USP24: variants seen among roughly 807,000 people sequenced by gnomAD.
USP24 encodes the protein ubiquitin carboxyl-terminal hydrolase 24.
Under a neutral mutation model 361.6 loss-of-function variants are expected in USP24, and 97 were observed. The ratio of observed to expected loss-of-function variants is 0.27; its 90% CI spans 0.23 to 0.32. The LOEUF (loss-of-function observed/expected upper bound fraction) is 0.32. USP24 is among the 10% of genes least tolerant of loss of function. USP24 has a pLI of 1.00. For synonymous variants in USP24, 1,098 were observed against 1,124.6 expected, an observed-to-expected ratio of 0.98 and a Z score of 0.47; for missense variants, 2,353 against 3,165.6, an observed-to-expected ratio of 0.74 and a Z score of 6.16.
chr1:55,138,070 T>C (rs1001699662), intron 26 of USP24, among the ~76,000 whole-genome samples, 166 bp from the exon 27 acceptor site: 6 of 152,124 alleles, frequency 3.9e-5, no homozygotes, highest in African/African-American at 1.2e-4. Flanking sequence ...CCTTCTGCTA[T>C]AATTATGTTC....
chr1:55,120,142 C>T lies in USP24; in HGVS notation c.4508+454G>A, dbSNP rs112684727. 6.3e-3 allele frequency among the ~76,000 whole-genome samples: 966 copies of T among 152,262 alleles called. 4 individuals are homozygous for T. The highest frequency in any genetic ancestry group is 0.037 in the Middle Eastern group (11 of 294). On this transcript the variant is annotated intron_variant, in intron 38 of 67. Transcript: ENST00000294383. ...AAGATGGGGCAGGCAGAATAGTCATCTCATGAGTTTGGACTACAAGCTCTC... is the reference window on the plus strand; with the variant it reads ...AAGATGGGGCAGGCAGAATAGTCATTTCATGAGTTTGGACTACAAGCTCTC...
Position 55,125,519 on chromosome 1 carries a change from G to A in USP24, c.3761C>T (p.Thr1254Met), listed in dbSNP as rs201849007. Residue 1254 changes from threonine to methionine, a missense_variant, in exon 34 of 68, where the codon ACG becomes ATG. Around this residue, in one of 8 missense-constraint regions of USP24, gnomAD observed 949 missense variants for 1,280.5 expected, o/e 0.74. Transcript: ENST00000294383. ...TTTGGTGAGGTCTTCATCTAATAAC[G>A]TGGGCATTGTTTGTCCGACAAGTAA... ...RFLLVGQTMP[T>M]LLDEDLTKDG... The A allele has an allele frequency of 6.9e-5, 112 of 1,613,758 alleles. No individual in the cohort carries two copies. The African/African-American group carries it at 1.3e-3, about 18-fold the overall frequency.
intron 52 of USP24, 129 bp from the exon 53 acceptor site, chr1:55,093,045 C>A: frequency 3.5e-6 from 2 of 574,866 alleles, no homozygotes; most frequent in Non-Finnish European, 5.6e-6. Flanking sequence ...TTTATAATTC[C>A]CCTTTCTCAA....
intron 66 of USP24, 137 bp from the exon 67 acceptor site, chr1:55,072,061 G>C: frequency 1.2e-6 from 1 of 816,550 alleles, no homozygotes; most frequent in Non-Finnish European, 2.0e-6. Flanking sequence ...ACAGTCACCA[G>C]AACCCCCTCA....
intron 59 of USP24, 149 bp from the exon 60 acceptor site, chr1:55,079,808 TGAGTACTCGCAGAGTACTTGCA>T: frequency 5.1e-6 from 4 of 784,528 alleles, no homozygotes; most frequent in Non-Finnish European, 7.2e-6. Flanking sequence ...ACTCACACAC[TGAGTACTCGCAGAGTACTTGCA>T]CACACAGTAC....
rs138746117 is a variant in USP24 at position 55,136,124 on chromosome 1, A to G, written c.3201+1391T>C. 3.1e-3 allele frequency among the ~76,000 whole-genome samples: 476 copies of G among 152,312 alleles called. 1 individual carries two copies. Among genetic ancestry groups the G allele is most frequent in the African/African-American group, 0.011 (441 of 41,562 alleles). ...AGGGAAGGGAAATAAAAAGAAATACAGGGGTAGGAAAGAGGCTGAAAATCT... is the reference window on the plus strand; with the variant it reads ...AGGGAAGGGAAATAAAAAGAAATACGGGGGTAGGAAAGAGGCTGAAAATCT... On this transcript the variant is annotated intron_variant, in intron 28 of 67. Coordinates refer to ENST00000294383, the MANE Select transcript of USP24 (RefSeq NM_015306.3).
At chr1:55,128,476 C>A (rs1646498722) in intron 32 of USP24, among the ~76,000 whole-genome samples, 1 of 152,144 alleles carries the variant, frequency 6.6e-6, no homozygotes, top group Non-Finnish European at 1.5e-5. Context: ...CCAAGACAGG[C>A]GATGCGTCTT....
At chr1:55,089,806 A>G in intron 54 of USP24, 66 bp from the exon 55 acceptor site, 1 of 1,097,670 alleles carries the variant, frequency 9.1e-7, no homozygotes, top group Non-Finnish European at 1.3e-6. Flanking sequence ...CATGCAGTGC[A>G]CTCTTGTTGG....
chr1:55,191,060 A>C (rs1426996264), intron 1 of USP24, among the ~76,000 whole-genome samples: 3 of 152,228 alleles, frequency 2.0e-5, no homozygotes, highest in African/African-American at 7.2e-5. Context: ...AGTTGTTAGG[A>C]GATGCACAGC....
chr1:55,139,646 CTTAAT>C (rs1003916890), intron 24 of USP24, among the ~76,000 whole-genome samples: 4 of 152,106 alleles, frequency 2.6e-5, no homozygotes, highest in East Asian at 1.9e-4. Context: ...TCCAAGTCCC[CTTAAT>C]TTAAACATTT....
chr1:55,214,446 T>C (rs1644930666), intron 1 of USP24, among the ~76,000 whole-genome samples: 1 of 151,914 alleles, frequency 6.6e-6, no homozygotes, highest in South Asian at 2.1e-4. Context: ...CTCAAGTGTC[T>C]GTCCTCCCAT....
intron 1 of USP24, among the ~76,000 whole-genome samples, chr1:55,201,411 GCCAAGATGGTGAAACC>G (rs1257449793): frequency 6.6e-6 from 1 of 151,664 alleles, no homozygotes; most frequent in East Asian, 1.9e-4. Context: ...GACCAGCCTG[GCCAAGATGGTGAAACC>G]CCATCTCTAC....
chr1:55,185,451 C>A (rs1644101753), intron 1 of USP24, among the ~76,000 whole-genome samples: 1 of 151,490 alleles, frequency 6.6e-6, no homozygotes, highest in African/African-American at 2.4e-5. Flanking sequence ...AAAGTTGGTT[C>A]TTTGAAAAAA....
chr1:55,120,510 G>T, intron 38 of USP24, 86 bp downstream of exon 38: 1 of 1,383,982 alleles, frequency 7.2e-7, no homozygotes, highest in Non-Finnish European at 9.6e-7. Context: ...TCTCAATAAT[G>T]CACTGTGGAC....
At chr1:55,212,499 C>A (rs1186470215) in intron 1 of USP24, among the ~76,000 whole-genome samples, 1 of 152,172 alleles carries the variant, frequency 6.6e-6, no homozygotes, top group Non-Finnish European at 1.5e-5. Flanking sequence ...GTATAACGCA[C>A]CTAAGACAGG....
At position 55,138,639 on chromosome 1, in the gene USP24, T is replaced by C. The variant is rs778225378; in HGVS notation, c.2897A>G (p.Tyr966Cys). ...HGHLLTLNVT[Y>C]ESTKDTFTVE... is the part of the protein sequence containing the mutation. Reference sequence around the variant, plus strand: ...AGTGAAGGTATCTTTGGTAGACTCATAGGTAACATTAAGGGTTAAAAGATG... The same window carrying C: ...AGTGAAGGTATCTTTGGTAGACTCACAGGTAACATTAAGGGTTAAAAGATG... Residue 966 changes from tyrosine (Y) to cysteine (C), a missense_variant, in exon 26 of 68, where the codon TAT becomes TGT. Physicochemically the swap from Tyr to Cys is radical, Grantham distance 194. Coordinates refer to ENST00000294383, the MANE Select transcript of USP24 (RefSeq NM_015306.3). 1.5e-5 allele frequency: 24 copies of C among 1,612,574 alleles called. No homozygotes were observed. The highest frequency in any genetic ancestry group is 2.2e-5 in the East Asian group (1 of 44,856).
chr1:55,209,856 T>G (rs916148398), intron 1 of USP24, among the ~76,000 whole-genome samples: 1 of 152,144 alleles, frequency 6.6e-6, no homozygotes, highest in Non-Finnish European at 1.5e-5. Context: ...AACATTTTCT[T>G]ATTAAAAGTA....
intron 61 of USP24, 55 bp from the exon 62 acceptor site, chr1:55,077,355 AATT>A (rs1645050204): frequency 1.4e-6 from 2 of 1,473,328 alleles, no homozygotes; most frequent in East Asian, 5.0e-5. Flanking sequence ...TTGGAATGGC[AATT>A]AACAATGCTG....
chr1:55,085,404 T>C (rs1406287595), intron 56 of USP24, among the ~76,000 whole-genome samples: 1 of 152,256 alleles, frequency 6.6e-6, no homozygotes, highest in African/African-American at 2.4e-5. Flanking sequence ...GCCAATTTGT[T>C]GTGAAAATAA....
Sources: allele counts gnomAD v4.1 joint callset (sites outside exome capture counted in the v4.1 genomes callset), GRCh38; gene constraint gnomAD v4.1.1; regional missense constraint gnomAD v4.1.1; transcripts MANE v1.5; gene names NCBI Gene and HGNC (gene_info 2026-07-23, HGNC 2026-07-21).